NBEA: variants seen among roughly 807,000 people sequenced by gnomAD.
NBEA encodes the protein neurobeachin, also known as lysosomal-trafficking regulator 2.
A neutral mutation model predicts 343.4 loss-of-function variants in NBEA; 44 were observed. The observed-to-expected ratio is 0.13, with a 90% CI of 0.10 to 0.16. NBEA has a LOEUF of 0.16. Ranked by LOEUF, NBEA falls within the 10% of genes least tolerant of loss-of-function variation. The pLI, the probability that NBEA is intolerant of heterozygous loss-of-function variation, is 1.00. For synonymous variants in NBEA, 1,175 were observed against 1,238.7 expected, an observed-to-expected ratio of 0.95 and a Z score of 1.08; for missense variants, 2,555 against 3,631.3, an observed-to-expected ratio of 0.70 and a Z score of 7.62.
intron 31 of NBEA, among the ~76,000 whole-genome samples, chr13:35,196,746 T>A (rs2072635446): frequency 6.6e-6 from 1 of 152,152 alleles, no homozygotes; most frequent in South Asian, 2.1e-4. Context: ...AGTGATAATA[T>A]TTAAATTTGA....
At chr13:35,373,850 G>T (rs2041589864) in intron 38 of NBEA, among the ~76,000 whole-genome samples, 1 of 151,942 alleles carries the variant, frequency 6.6e-6, no homozygotes, top group Non-Finnish European at 1.5e-5. Flanking sequence ...AGAAGCAAAG[G>T]GGTTGGTCTT....
At chr13:35,435,505 A>G (rs1196387943) in intron 39 of NBEA, among the ~76,000 whole-genome samples, 2 of 152,002 alleles carry the variant, frequency 1.3e-5, no homozygotes, top group African/African-American at 4.8e-5. Flanking sequence ...AACTTCTCAA[A>G]AAGTTTTCAA....
chr13:34,947,734 G>A (rs911427816), intron 1 of NBEA, among the ~76,000 whole-genome samples: 2 of 152,114 alleles, frequency 1.3e-5, no homozygotes, highest in Non-Finnish European at 2.9e-5. Context: ...GTAGTGTGCA[G>A]GACACTGTAT....
At chr13:35,532,585 A>G (rs1189992261) in intron 41 of NBEA, among the ~76,000 whole-genome samples, 2 of 152,204 alleles carry the variant, frequency 1.3e-5, no homozygotes, top group African/African-American at 4.8e-5. Flanking sequence ...GAAATTATCT[A>G]TTTGTGACAT....
intron 38 of NBEA, among the ~76,000 whole-genome samples, chr13:35,357,235 C>T (rs1216185547): frequency 6.6e-6 from 1 of 151,944 alleles, no homozygotes; most frequent in Non-Finnish European, 1.5e-5. Context: ...CAATTACTTA[C>T]TAGCTGTATG....
intron 41 of NBEA, among the ~76,000 whole-genome samples, chr13:35,531,498 G>C (rs1399098818): frequency 6.6e-6 from 1 of 151,830 alleles, no homozygotes; most frequent in Non-Finnish European, 1.5e-5. Flanking sequence ...TTTGTCATTG[G>C]TGTAATAAGT....
At chr13:34,955,849 G>A (rs1297382445) in intron 1 of NBEA, among the ~76,000 whole-genome samples, 2 of 152,038 alleles carry the variant, frequency 1.3e-5, no homozygotes, top group African/African-American at 4.8e-5. Flanking sequence ...ATTAGGGAGG[G>A]CAATCTGTTT....
intron 1 of NBEA, among the ~76,000 whole-genome samples, chr13:34,999,605 T>A (rs1003040938): frequency 2.2e-4 from 33 of 152,230 alleles, no homozygotes; most frequent in East Asian, 7.7e-4. Flanking sequence ...GTGATTTTTT[T>A]TAAAAAAATA....
At chr13:35,128,129 A>G (rs946586457) in intron 17 of NBEA, among the ~76,000 whole-genome samples, 1 of 151,332 alleles carries the variant, frequency 6.6e-6, no homozygotes, top group South Asian at 2.1e-4. Context: ...AGATACACCT[A>G]ATGCGAGATG....
intron 38 of NBEA, among the ~76,000 whole-genome samples, chr13:35,411,590 GGGA>G (rs2043589223): frequency 1.3e-5 from 2 of 151,972 alleles, no homozygotes; most frequent in South Asian, 4.2e-4. Context: ...CTGAATAGCT[GGGA>G]CCACAGACAT....
At position 35,645,901 on chromosome 13, in the gene NBEA, C is replaced by T. The variant is rs772281241; in HGVS notation, c.7650C>T (p.His2550=). The change falls in exon 50 of 59, where the codon CAC becomes CAT. Residue 2550 remains histidine, a synonymous_variant. Coordinates refer to ENST00000379939, the MANE Select transcript of NBEA (RefSeq NM_001385012.1). ...IPEAYFIRDP[H]TFLLTKDFIK... is the part of the protein sequence containing the mutation. Reference sequence around the variant, plus strand: ...AAGCTTATTTCATTAGAGACCCCCACACTTTCCTTCTTACAAAGGACTTTA... The same window carrying T: ...AAGCTTATTTCATTAGAGACCCCCATACTTTCCTTCTTACAAAGGACTTTA... The T allele has an allele frequency of 9.5e-6, 15 of 1,577,088 alleles. No individual in the cohort carries two copies. Among genetic ancestry groups the T allele is most frequent in the East Asian group, 6.8e-5 (3 of 44,374 alleles).
intron 41 of NBEA, chr13:35,475,944 G>A: frequency 1.2e-6 from 2 of 1,614,102 alleles, no homozygotes; most frequent in Non-Finnish European, 1.7e-6. Flanking sequence ...TGACCTCGAG[G>A]CCCTCGTAGC....
chr13:35,521,389 T>C (rs564348527), intron 41 of NBEA, among the ~76,000 whole-genome samples: 1 of 152,298 alleles, frequency 6.6e-6, no homozygotes, highest in Non-Finnish European at 1.5e-5. Flanking sequence ...CAGGAATCAT[T>C]TGGTTGCAAG....
intron 1 of NBEA, among the ~76,000 whole-genome samples, chr13:34,993,930 G>T (rs186499418): frequency 1.6e-4 from 25 of 152,146 alleles, no homozygotes; most frequent in African/African-American, 5.8e-4. Flanking sequence ...GGGCATGGTG[G>T]CTCATGCCCG....
At chr13:35,623,524 A>G (rs2083087515) in intron 48 of NBEA, among the ~76,000 whole-genome samples, 1 of 152,104 alleles carries the variant, frequency 6.6e-6, no homozygotes, top group Non-Finnish European at 1.5e-5. Context: ...TTCCTTTGCC[A>G]TTTAATTTTA....
At chr13:35,117,922 T>C (rs1445264491) in intron 14 of NBEA, among the ~76,000 whole-genome samples, 2 of 152,010 alleles carry the variant, frequency 1.3e-5, no homozygotes, top group Admixed American at 1.3e-4. Flanking sequence ...ATTTATATTG[T>C]TTTAAGGAAA....
chr13:34,968,644 G>A (rs1016999927), intron 1 of NBEA, among the ~76,000 whole-genome samples: 3 of 152,254 alleles, frequency 2.0e-5, no homozygotes, highest in Admixed American at 6.5e-5. Flanking sequence ...TGACCTATAG[G>A]TAGTAGTTTG....
chr13:35,487,352 A>G (rs2076339629), intron 41 of NBEA, among the ~76,000 whole-genome samples: 2 of 152,002 alleles, frequency 1.3e-5, no homozygotes, highest in African/African-American at 2.4e-5. Flanking sequence ...CTCAATTTGT[A>G]TTTCACTCTA....
At chr13:35,312,346 GA>G (rs61478915) in intron 36 of NBEA, among the ~76,000 whole-genome samples, 3,804 of 151,926 alleles carry the variant, frequency 0.025, 153 homozygotes, top group African/African-American at 0.086. Flanking sequence ...AGCCAAGTGA[GA>G]AAAAAAAGTA....
Sources: allele counts gnomAD v4.1 joint callset (sites outside exome capture counted in the v4.1 genomes callset), GRCh38; gene constraint gnomAD v4.1.1; transcripts MANE v1.5; gene names NCBI Gene and HGNC (gene_info 2026-07-23, HGNC 2026-07-21).